ARHGAP44: variants seen among roughly 807,000 people sequenced by gnomAD.
The protein encoded by ARHGAP44 is rho GTPase-activating protein 44.
ARHGAP44 carries 43 observed loss-of-function variants against 106.8 expected under a neutral mutation model. The ratio of observed to expected loss-of-function variants is 0.40; its 90% CI spans 0.32 to 0.52. The LOEUF is 0.52. Among genes scored for constraint, ARHGAP44 ranks in the 20% least tolerant of loss-of-function variants. ARHGAP44 has a pLI of 0.48. For synonymous variants in ARHGAP44, 439 were observed against 410.3 expected (o/e 1.07, Z -0.85); for missense variants, 866 against 1,050.5 (o/e 0.82, Z 2.43).
chr17:12,849,617 T>C (rs1191344699), intron 1 of ARHGAP44, among the ~76,000 whole-genome samples: 3 of 132,606 alleles, frequency 2.3e-5, no homozygotes, highest in Non-Finnish European at 4.6e-5. Flanking sequence ...CGTTTTCACC[T>C]TGGATGTGTC....
At chr17:12,803,343 G>A (rs2034178768) in intron 1 of ARHGAP44, among the ~76,000 whole-genome samples, 1 of 152,188 alleles carries the variant, frequency 6.6e-6, no homozygotes, top group East Asian at 1.9e-4. Flanking sequence ...TTGACCTCAA[G>A]CGATCTGCCT....
intron 1 of ARHGAP44, chr17:12,790,521 G>A (rs1271375358): frequency 6.6e-6 from 1 of 152,662 alleles, no homozygotes; most frequent in Non-Finnish European, 1.5e-5. Context: ...TTGATGTTAG[G>A]ACTGATTTCA....
chr17:12,873,930 CAAAT>C lies in ARHGAP44; in HGVS notation c.54-20990_54-20987del, dbSNP rs1156326933. On this transcript the variant is annotated intron_variant, in intron 1 of 20. Transcript: ENST00000379672. ...AAAAATAAATAAATAAATAAATAAA[CAAAT>C]AAATAAATAAATAAATAAAAGAAAG... 2.8e-4 allele frequency among the ~76,000 whole-genome samples: 5 copies of C among 17,582 alleles called. No homozygotes were observed. In the South Asian group the frequency reaches 9.3e-3, roughly 33 times the overall value. The allele number at this position is 17,582 out of a possible 152,430, so 11.5% of individuals were successfully genotyped here.
chr17:12,974,281 G>C lies in ARHGAP44; in HGVS notation c.1734G>C (p.Leu578=). ...CCCCCGCGCTCTCTCCATCCGGCCTGGGCCTCCAGCCTGGGCCCGAGCGCA... is the reference window on the plus strand; with the variant it reads ...CCCCCGCGCTCTCTCCATCCGGCCTCGGCCTCCAGCCTGGGCCCGAGCGCA... ...PAAPALSPSG[L]GLQPGPERTS... is the part of the protein sequence containing the mutation. Residue 578 remains leucine (L), a synonymous_variant, in exon 18 of 21, where the codon CTG becomes CTC. Coordinates refer to ENST00000379672, the MANE Select transcript of ARHGAP44 (RefSeq NM_014859.6). 6.8e-7 allele frequency: 1 copy of C among 1,478,816 alleles called. No homozygotes were observed. The highest frequency in any genetic ancestry group is 2.7e-5 in the East Asian group (1 of 36,930). 91.6% of individuals were successfully genotyped at this position (1,478,816 alleles called of 1,614,324 possible).
chr17:12,929,523 G>C (rs1567692893), intron 7 of ARHGAP44: 1 of 153,904 alleles, frequency 6.5e-6, no homozygotes. Context: ...GCCATGAAAA[G>C]AGTCACAGAA....
At chr17:12,973,881 G>A (rs2039593602) in intron 17 of ARHGAP44, 1 of 610,258 alleles carries the variant, frequency 1.6e-6, no homozygotes, top group Non-Finnish European at 2.9e-6. Flanking sequence ...CTCTTGCCAG[G>A]ACTGGGCTGC....
chr17:12,975,843 T>G (rs2039668597), intron 18 of ARHGAP44, among the ~76,000 whole-genome samples: 4 of 147,186 alleles, frequency 2.7e-5, no homozygotes, highest in Admixed American at 2.7e-4. Context: ...TTGCTGCCCT[T>G]AAAAAGTTCA....
At chr17:12,944,621 G>T (rs2038801518) in intron 10 of ARHGAP44, among the ~76,000 whole-genome samples, 1 of 151,266 alleles carries the variant, frequency 6.6e-6, no homozygotes, top group East Asian at 2.0e-4. Flanking sequence ...AAGTAGCTGG[G>T]ACTACAGGCG....
At chr17:12,819,582 G>GT (rs112095946) in intron 1 of ARHGAP44, among the ~76,000 whole-genome samples, 5,426 of 141,326 alleles carry the variant, frequency 0.038, 290 homozygotes, top group African/African-American at 0.12. Flanking sequence ...ATACTGTCAA[G>GT]TTTTTTTTTT....
intron 14 of ARHGAP44, 123 bp from the exon 15 acceptor site, chr17:12,956,532 A>C: frequency 1.4e-6 from 1 of 728,830 alleles, no homozygotes; most frequent in Non-Finnish European, 2.3e-6. Context: ...CTGCTCTCAA[A>C]CCTCTGTCTG....
rs577334129 is a variant in ARHGAP44, at chr17:12,980,152, G to T, written c.1858G>T (p.Ala620Ser). The part of the protein sequence containing the change: ...GTACAGTQPG[A>S]QPGAQPGASP... ...AGCCTGTGCAGGGACTCAACCAGGG[G>T]CTCAACCTGGAGCTCAGCCGGGCGC... Residue 620 changes from alanine to serine, a missense_variant, in exon 19 of 21, where the codon GCT (alanine) becomes TCT (serine). Around this residue, in one of 2 missense-constraint regions of ARHGAP44, gnomAD observed 418 missense variants for 403.6 expected, o/e 1.04. Transcript: ENST00000379672. 13 of 1,613,302 alleles carry T rather than the reference G, an allele frequency of 8.1e-6. No homozygotes were observed. The South Asian group carries it at 1.1e-4, about 14-fold the overall frequency.
At chr17:12,932,479 G>A (rs540992781) in intron 7 of ARHGAP44, among the ~76,000 whole-genome samples, 13 of 152,138 alleles carry the variant, frequency 8.5e-5, no homozygotes, top group Non-Finnish European at 1.6e-4. Context: ...TCTGCCATTT[G>A]TCTTTTGACT....
intron 1 of ARHGAP44, among the ~76,000 whole-genome samples, chr17:12,894,241 AGTGT>A (rs60415791): frequency 1.9e-4 from 28 of 148,088 alleles, no homozygotes; most frequent in Middle Eastern, 7.0e-3. Flanking sequence ...AGAGAGAGAG[AGTGT>A]GTGTGTGTGT....
chr17:12,931,888 ATT>A (rs1193560383), intron 7 of ARHGAP44, among the ~76,000 whole-genome samples: 1 of 150,984 alleles, frequency 6.6e-6, no homozygotes, highest in Non-Finnish European at 1.5e-5. Context: ...ACATATCATG[ATT>A]TATTTAGCTA....
At chr17:12,984,973 G>T (rs760174786) in intron 20 of ARHGAP44, 65 bp downstream of exon 20, 2 of 1,523,320 alleles carry the variant, frequency 1.3e-6, no homozygotes, top group South Asian at 1.3e-5. Context: ...CTAGGGGAGG[G>T]ATTGCTAGTG....
At position 12,851,183 on chromosome 17, in the gene ARHGAP44, G is replaced by T. The variant is rs186826711; in HGVS notation, c.54-43757G>T. Reference sequence around the variant, plus strand: ...CCTGTCAGCCATGTGGCCTGCCCACGTAAAGGCTGGCACCTCCGCTGTGGC... The same window carrying T: ...CCTGTCAGCCATGTGGCCTGCCCACTTAAAGGCTGGCACCTCCGCTGTGGC... On this transcript the variant is annotated intron_variant, in intron 1 of 20. Coordinates refer to ENST00000379672, the MANE Select transcript of ARHGAP44 (RefSeq NM_014859.6). 2.6e-5 allele frequency among the ~76,000 whole-genome samples: 4 copies of T among 152,284 alleles called. No homozygotes were observed. In the East Asian group the frequency reaches 7.7e-4, roughly 29 times the overall value.
intron 7 of ARHGAP44, among the ~76,000 whole-genome samples, chr17:12,940,122 C>G (rs571729730): frequency 6.6e-6 from 1 of 152,292 alleles, no homozygotes; most frequent in Admixed American, 6.5e-5. Flanking sequence ...AGTTCAGCAT[C>G]TAGGTCAGCT....
At chr17:12,963,655 C>T (rs1337106910) in intron 16 of ARHGAP44, among the ~76,000 whole-genome samples, 2 of 151,724 alleles carry the variant, frequency 1.3e-5, no homozygotes, top group Non-Finnish European at 1.5e-5. Context: ...GTAGACAGGT[C>T]GGCCTTGCAC....
At chr17:12,977,042 G>C (rs2039701158) in intron 18 of ARHGAP44, among the ~76,000 whole-genome samples, 1 of 151,984 alleles carries the variant, frequency 6.6e-6, no homozygotes, top group South Asian at 2.1e-4. Context: ...ATTCCCCCAG[G>C]CTCTGAAGGC....
Sources: gnomAD v4.1 joint callset for allele counts (sites outside exome capture counted in the v4.1 genomes callset) on GRCh38, gnomAD v4.1.1 for gene constraint, gnomAD v4.1.1 regional missense constraint, MANE v1.5 for transcripts, NCBI Gene and HGNC (gene_info 2026-07-23, HGNC 2026-07-21) for gene names.